Variants in KCNQ1 observed in about 807,000 individuals in gnomAD.
KCNQ1 encodes the protein potassium voltage-gated channel subfamily Q member 1, also known as potassium voltage-gated channel subfamily KQT member 1.
A neutral mutation model predicts 72.4 loss-of-function variants in KCNQ1; 49 were observed. The observed-to-expected ratio is 0.68, with a 90% CI of 0.54 to 0.86. The LOEUF (loss-of-function observed/expected upper bound fraction) is 0.86. Among genes scored for constraint, KCNQ1 ranks in the 40% least tolerant of loss-of-function variants. KCNQ1 has a pLI of 0.00. For missense variants in KCNQ1, 790 were observed against 945.1 expected, an observed-to-expected ratio of 0.84 and a Z score of 2.15; for synonymous variants, 450 against 412.6, an observed-to-expected ratio of 1.09 and a Z score of -1.10.
chr11:2,452,395 G>A (rs755869733), intron 1 of KCNQ1, among the ~76,000 whole-genome samples: 19 of 152,170 alleles, frequency 1.2e-4, no homozygotes, highest in Non-Finnish European at 2.8e-4. Flanking sequence ...CCCACCCTGG[G>A]GCCAGGGGCT....
In KCNQ1 at chr11:2,605,107, C is replaced by T. The variant is rs533781919; in HGVS notation, c.1393+16253C>T. ...TGTCAACCCTGAAGAAATTTCTATT[C>T]CGATTTTTCATCCATTCTTTAAGTT... On this transcript the variant is annotated intron_variant, in intron 10 of 15. Coordinates refer to ENST00000155840, the MANE Select transcript of KCNQ1 (RefSeq NM_000218.3). Among the ~76,000 whole-genome samples the T allele has an allele frequency of 1.8e-3, 280 of 152,168 alleles. 4 individuals are homozygous for T. The highest frequency in any genetic ancestry group is 3.4e-3 in the Non-Finnish European group (228 of 68,002).
intron 11 of KCNQ1, chr11:2,666,581 C>T (rs567707799): frequency 2.3e-5 from 9 of 398,646 alleles, no homozygotes; most frequent in African/African-American, 1.8e-4. Context: ...AGGACAGGGC[C>T]AGTCTGTGCT....
chr11:2,614,863 G>A (rs2133795531), intron 10 of KCNQ1: 1 of 398,344 alleles, frequency 2.5e-6, no homozygotes, highest in Non-Finnish European at 4.4e-6. Flanking sequence ...TATGATTTTA[G>A]ATTGTTTGGG....
At chr11:2,797,345 C>T (rs1285752881) in intron 15 of KCNQ1, among the ~76,000 whole-genome samples, 4 of 152,194 alleles carry the variant, frequency 2.6e-5, no homozygotes, top group East Asian at 3.9e-4. Flanking sequence ...TCATGCTGTG[C>T]GTCCCCCACT....
chr11:2,700,736 C>T (rs995371012), intron 11 of KCNQ1, among the ~76,000 whole-genome samples: 1 of 152,114 alleles, frequency 6.6e-6, no homozygotes, highest in Non-Finnish European at 1.5e-5. Flanking sequence ...GAGGGCGCCC[C>T]GCGCCTGCCA....
Position 2,661,920 on chromosome 11 carries a change from G to A in KCNQ1, c.1394-41G>A, listed in dbSNP as rs74046836. On this transcript the variant is annotated intron_variant, in intron 10 of 15. Coordinates refer to ENST00000155840, the MANE Select transcript of KCNQ1 (RefSeq NM_000218.3). The surrounding 1 kb of genome is among the most constrained non-coding windows in gnomAD (Gnocchi z 5.9). ...CTGGCTCCACAGCACTGGCAGGTTG[G>A]GTGGGAGGCCTAACGTGCTGTCCCC... The A allele has an allele frequency of 3.1e-6, 5 of 1,613,854 alleles. No homozygotes were observed. In the South Asian group the frequency reaches 3.3e-5, roughly 11 times the overall value.
intron 6 of KCNQ1, among the ~76,000 whole-genome samples, chr11:2,583,210 T>C (rs1848530292): frequency 6.6e-6 from 1 of 152,088 alleles, no homozygotes; most frequent in Non-Finnish European, 1.5e-5. Context: ...GCTCCTTACA[T>C]GTGCTGGTGG....
At chr11:2,454,335 G>A (rs528427506) in intron 1 of KCNQ1, among the ~76,000 whole-genome samples, 7 of 152,162 alleles carry the variant, frequency 4.6e-5, no homozygotes, top group South Asian at 4.1e-4. Context: ...AAAGCTGTTC[G>A]TAATCGCTTG....
At chr11:2,737,297 T>G (rs1450277991) in intron 11 of KCNQ1, among the ~76,000 whole-genome samples, 1 of 152,144 alleles carries the variant, frequency 6.6e-6, no homozygotes, top group Non-Finnish European at 1.5e-5. Flanking sequence ...GGGCAGCTGC[T>G]GCCGTGTGGG....
chr11:2,530,381 G>A (rs985539249), intron 2 of KCNQ1, among the ~76,000 whole-genome samples: 3 of 152,272 alleles, frequency 2.0e-5, no homozygotes, highest in Non-Finnish European at 2.9e-5. Context: ...GCCATGGGGC[G>A]GGTCTGTGGG....
intron 2 of KCNQ1, among the ~76,000 whole-genome samples, chr11:2,545,973 T>C (rs1316222334): frequency 6.6e-6 from 1 of 152,166 alleles, no homozygotes; most frequent in Non-Finnish European, 1.5e-5. Flanking sequence ...GCTTTTGGTT[T>C]CATTATTTTT....
chr11:2,454,617 A>C (rs1846160122), intron 1 of KCNQ1, among the ~76,000 whole-genome samples: 1 of 152,228 alleles, frequency 6.6e-6, no homozygotes, highest in Non-Finnish European at 1.5e-5. Flanking sequence ...TATCACCAAG[A>C]ATGGAGGTTT....
intron 11 of KCNQ1, chr11:2,666,660 C>G (rs1590018492): frequency 2.5e-6 from 1 of 398,704 alleles, no homozygotes; most frequent in East Asian, 3.6e-5. Flanking sequence ...GGGGCTAGCT[C>G]TTTTGATGGG....
At chr11:2,741,334 C>T (rs1846046179) in intron 11 of KCNQ1, among the ~76,000 whole-genome samples, 1 of 152,168 alleles carries the variant, frequency 6.6e-6, no homozygotes, top group Non-Finnish European at 1.5e-5. Flanking sequence ...TGGCGCTTGC[C>T]GGGGTGGCTG....
At position 2,570,588 on chromosome 11, in the gene KCNQ1, C is replaced by T. The variant is rs200501187; in HGVS notation, c.478-40C>T. 83 of 1,608,624 alleles carry T rather than the reference C, an allele frequency of 5.2e-5. No homozygotes were observed. The East Asian group carries it at 8.3e-4, about 16-fold the overall frequency. ...TGCAGGGTCTGAAGCCACTCAAGGC[C>T]GAGCCTGCCTGCAGTGAGCGTCCCA... On this transcript the variant is annotated intron_variant, in intron 2 of 15. Transcript: ENST00000155840.
rs1439011212 is a variant in KCNQ1, at chr11:2,809,510, C to T, written c.1794+31473C>T. ...GGGGCTCTGCTTCCCTCTGTTTGTT[C>T]GTCTTGGTGCTGTGTATGAAGGTGG... On this transcript the variant is annotated intron_variant, in intron 15 of 15. Transcript: ENST00000155840. This position sits in a 1 kb window ranked among gnomAD's most constrained non-coding sequence, Gnocchi z 7.1. Among the ~76,000 whole-genome samples, 6 of 152,142 alleles carry T rather than the reference C, an allele frequency of 3.9e-5. No individual in the cohort carries two copies. Among genetic ancestry groups the T allele is most frequent in the Admixed American group, 1.3e-4 (2 of 15,266 alleles).
In KCNQ1 at chr11:2,781,524, CT is replaced by C. The variant is rs1370720067; in HGVS notation, c.1794+3488del. Among the ~76,000 whole-genome samples, 4 of 152,220 alleles carry C rather than the reference CT, an allele frequency of 2.6e-5. No homozygotes were observed. Among genetic ancestry groups the C allele is most frequent in the Non-Finnish European group, 4.4e-5 (3 of 68,038 alleles). On this transcript the variant is annotated intron_variant, in intron 15 of 15. Coordinates refer to ENST00000155840, the MANE Select transcript of KCNQ1 (RefSeq NM_000218.3). The surrounding 1 kb of genome is among the most constrained non-coding windows in gnomAD (Gnocchi z 6.6). ...AGAGAGCTGGCCCTGCCCACTCCCC[CT>C]CTGGCCCCACTGGGCTTCCTGAAGT...
intron 11 of KCNQ1, among the ~76,000 whole-genome samples, chr11:2,739,743 C>G (rs1387804931): frequency 6.6e-6 from 1 of 152,252 alleles, no homozygotes; most frequent in Non-Finnish European, 1.5e-5. Flanking sequence ...GGACTGCCGG[C>G]CCTGTCAGTA....
Position 2,533,019 on chromosome 11 carries a change from G to A in KCNQ1, c.477+5001G>A, listed in dbSNP as rs995970586. Among the ~76,000 whole-genome samples, 3 of 152,032 alleles carry A rather than the reference G, an allele frequency of 2.0e-5. No homozygotes were observed. The East Asian group carries it at 5.9e-4, about 30-fold the overall frequency. On this transcript the variant is annotated intron_variant, in intron 2 of 15. Coordinates refer to ENST00000155840, the MANE Select transcript of KCNQ1 (RefSeq NM_000218.3). ...TGGCACCCGCCAAGGAGTGCTGAGCGCGGGGAGCCCAAACCACAGCCTTGG... is the reference window on the plus strand; with the variant it reads ...TGGCACCCGCCAAGGAGTGCTGAGCACGGGGAGCCCAAACCACAGCCTTGG...
Sources: allele counts gnomAD v4.1 joint callset (sites outside exome capture counted in the v4.1 genomes callset), GRCh38; gene constraint gnomAD v4.1.1; non-coding constraint Gnocchi (gnomAD v3.1); transcripts MANE v1.5; gene names NCBI Gene and HGNC (gene_info 2026-07-23, HGNC 2026-07-21).